The following MIPEP variants were observed in gnomAD, a reference collection of about 807,000 sequenced individuals.
MIPEP encodes mitochondrial intermediate peptidase.
A neutral mutation model predicts 90.3 loss-of-function variants in MIPEP; 79 were observed. The observed-to-expected ratio is 0.87, with a 90% confidence interval of 0.73 to 1.05. The LOEUF (loss-of-function observed/expected upper bound fraction) is 1.05. Ranked by LOEUF, MIPEP falls within the 50% of genes least tolerant of loss-of-function variation. The pLI, the probability that MIPEP is intolerant of heterozygous loss-of-function variation, is 0.00. For missense variants in MIPEP, 940 were observed against 905.6 expected, an observed-to-expected ratio of 1.04 and a Z score of -0.49; for synonymous variants, 334 against 315.8, an observed-to-expected ratio of 1.06 and a Z score of -0.61.
chr13:23,747,147 A>T (rs548429471), intron 18 of MIPEP, among the ~76,000 whole-genome samples: 5 of 152,310 alleles, frequency 3.3e-5, no homozygotes, highest in African/African-American at 1.2e-4. Context: ...TTGCTTCCAT[A>T]CATGGGAAGT....
At chr13:23,770,591 T>C (rs932791321) in intron 16 of MIPEP, among the ~76,000 whole-genome samples, 1 of 152,052 alleles carries the variant, frequency 6.6e-6, no homozygotes, top group Non-Finnish European at 1.5e-5. Flanking sequence ...CTAACTCCCC[T>C]GCCTGCCAGC....
chr13:23,745,157 T>G (rs9318023), intron 18 of MIPEP, among the ~76,000 whole-genome samples: 21,119 of 152,194 alleles, frequency 0.14, 1,804 homozygotes, highest in South Asian at 0.23. Context: ...ATTCAGATAT[T>G]TGAGATGTGC....
intron 16 of MIPEP, among the ~76,000 whole-genome samples, chr13:23,783,617 A>G (rs546702416): frequency 2.6e-5 from 4 of 152,210 alleles, no homozygotes; most frequent in South Asian, 2.1e-4. Flanking sequence ...CAGGCAAGAG[A>G]AAGAAATAAA....
chr13:23,733,597 A>G (rs1593122171), intron 18 of MIPEP, among the ~76,000 whole-genome samples: 1 of 152,232 alleles, frequency 6.6e-6, no homozygotes, highest in African/African-American at 2.4e-5. Context: ...TGCAGATGTG[A>G]TCATCCCACC....
chr13:23,819,071 C>T (rs1025398565), intron 14 of MIPEP, among the ~76,000 whole-genome samples: 2 of 152,192 alleles, frequency 1.3e-5, no homozygotes, highest in African/African-American at 4.8e-5. Context: ...TGTTTCACTA[C>T]TGGGTACTCT....
intron 16 of MIPEP, among the ~76,000 whole-genome samples, chr13:23,802,739 T>C (rs1266003717): frequency 6.6e-6 from 1 of 151,998 alleles, no homozygotes; most frequent in South Asian, 2.1e-4. Context: ...GTGAAAGCAA[T>C]ATGCATTCAA....
At chr13:23,853,811 C>T (rs1407158604) in intron 10 of MIPEP, among the ~76,000 whole-genome samples, 1 of 151,828 alleles carries the variant, frequency 6.6e-6, no homozygotes, top group African/African-American at 2.4e-5. Context: ...CGTGATCCAC[C>T]CGCCTCAGCC....
intron 16 of MIPEP, among the ~76,000 whole-genome samples, chr13:23,788,495 A>G (rs1952870165): frequency 6.6e-6 from 1 of 152,214 alleles, no homozygotes; most frequent in Non-Finnish European, 1.5e-5. Context: ...GGACAACTGT[A>G]TAGTAGCTCT....
chr13:23,837,783 A>G, intron 12 of MIPEP, 27 bp from the exon 13 acceptor site: 1 of 1,562,326 alleles, frequency 6.4e-7, no homozygotes, highest in Non-Finnish European at 8.8e-7. Flanking sequence ...ACATAAAAGG[A>G]AAAGAAAGTA....
intron 17 of MIPEP, among the ~76,000 whole-genome samples, chr13:23,758,160 C>T (rs1952506104): frequency 6.6e-6 from 1 of 152,146 alleles, no homozygotes; most frequent in Admixed American, 6.5e-5. Flanking sequence ...AGGGGCCCTG[C>T]CTGACTCCCG....
chr13:23,858,290 C>A (rs1394478864), intron 10 of MIPEP, among the ~76,000 whole-genome samples: 1 of 151,920 alleles, frequency 6.6e-6, no homozygotes, highest in Admixed American at 6.6e-5. Context: ...ATATAATAAA[C>A]ACAGGAGGAT....
At chr13:23,785,435 AC>A (rs1190022523) in intron 16 of MIPEP, among the ~76,000 whole-genome samples, 1 of 148,128 alleles carries the variant, frequency 6.8e-6, no homozygotes, top group African/African-American at 2.5e-5. Context: ...TGGGAACTGA[AC>A]AATGAGAACA....
intron 10 of MIPEP, among the ~76,000 whole-genome samples, chr13:23,845,561 T>C (rs138175999): frequency 8.2e-4 from 125 of 152,356 alleles, no homozygotes; most frequent in African/African-American, 2.8e-3. Flanking sequence ...TGTTAGTTTA[T>C]CTGTTAAAGT....
chr13:23,821,528 G>A (rs1340047652), intron 14 of MIPEP, among the ~76,000 whole-genome samples: 1 of 152,026 alleles, frequency 6.6e-6, no homozygotes, highest in African/African-American at 2.4e-5. Flanking sequence ...AGACTCTCTG[G>A]GCTCATCTTC....
intron 10 of MIPEP, among the ~76,000 whole-genome samples, chr13:23,847,665 G>GA (rs1869610965): frequency 6.6e-6 from 1 of 151,982 alleles, no homozygotes; most frequent in African/African-American, 2.4e-5. Flanking sequence ...AGTTCGGCAG[G>GA]AAAAAAATGA....
chr13:23,877,213 AT>A (rs1280030919), intron 4 of MIPEP, among the ~76,000 whole-genome samples: 2 of 152,226 alleles, frequency 1.3e-5, no homozygotes, highest in African/African-American at 4.8e-5. Context: ...AAAATTCTTT[AT>A]AAATTGGATA....
intron 16 of MIPEP, among the ~76,000 whole-genome samples, chr13:23,796,617 T>C (rs1952965662): frequency 6.6e-6 from 1 of 151,698 alleles, no homozygotes; most frequent in South Asian, 2.1e-4. Context: ...ACGTAGTAAA[T>C]GTAACAGTAC....
At chr13:23,802,338 G>A (rs1953053270) in intron 16 of MIPEP, among the ~76,000 whole-genome samples, 2 of 152,152 alleles carry the variant, frequency 1.3e-5, no homozygotes, top group Admixed American at 1.3e-4. Flanking sequence ...ACTTTGGGAG[G>A]TGGAAGCAGG....
chr13:23,856,812 T>C (rs1381574830), intron 10 of MIPEP, among the ~76,000 whole-genome samples: 2 of 152,092 alleles, frequency 1.3e-5, no homozygotes, highest in East Asian at 1.9e-4. Flanking sequence ...TTACAGAGTA[T>C]AGTTAGTGAA....
Sources: allele counts gnomAD v4.1 joint callset (sites outside exome capture counted in the v4.1 genomes callset), GRCh38; gene constraint gnomAD v4.1.1; transcripts MANE v1.5; gene names NCBI Gene and HGNC (gene_info 2026-07-23, HGNC 2026-07-21).